The following PALM variants were observed in gnomAD, a reference collection of about 807,000 sequenced individuals.
The protein encoded by PALM is paralemmin.
A neutral mutation model predicts 30.7 loss-of-function variants in PALM; 18 were observed. The ratio of observed to expected loss-of-function variants is 0.59; its 90% CI spans 0.41 to 0.87. The LOEUF (loss-of-function observed/expected upper bound fraction) is 0.87. PALM is among the 40% of genes least tolerant of loss of function. The probability of loss-of-function intolerance (pLI) is 0.00; values close to 1 mark genes in which losing one functional copy is unlikely to be tolerated. For synonymous variants in PALM, 286 were observed against 242.8 expected, an observed-to-expected ratio of 1.18 and a Z score of -1.66; for missense variants, 529 against 555.4, an observed-to-expected ratio of 0.95 and a Z score of 0.48.
chr19:718,394 C>T (rs1294671917), intron 1 of PALM, among the ~76,000 whole-genome samples: 4 of 152,124 alleles, frequency 2.6e-5, no homozygotes, highest in East Asian at 1.9e-4. Flanking sequence ...CTCTGTGGGA[C>T]GTCTCAGGAG....
At chr19:735,012 A>C in intron 6 of PALM, 1 of 953,800 alleles carries the variant, frequency 1.0e-6, no homozygotes. Context: ...AAATCCAGAC[A>C]GGCCTCTCAG....
rs1238716061 is a variant in PALM at position 746,629 on chromosome 19, G to A, written c.979G>A (p.Glu327Lys). Residue 327 changes from glutamate (E) to lysine (K), a missense_variant, in exon 9 of 9, where the codon GAG becomes AAG. Glu to Lys is a moderately conservative substitution (Grantham distance 56). Transcript: ENST00000338448. The surrounding 1 kb of genome is among the most constrained non-coding windows in gnomAD (Gnocchi z 7.1). ...GGGCCTTCAAGATACCATCACGGCGGAGCTGGTGGTCATCGAAGACGCGGC... is the reference window on the plus strand; with the variant it reads ...GGGCCTTCAAGATACCATCACGGCGAAGCTGGTGGTCATCGAAGACGCGGC... ...VLGLQDTITA[E>K]LVVIEDAAEP... 1 of 1,613,090 alleles carries A rather than the reference G, an allele frequency of 6.2e-7. No individual in the cohort carries two copies. Among genetic ancestry groups the A allele is most frequent in the South Asian group, 1.1e-5 (1 of 91,048 alleles).
chr19:727,128 C>A (rs202040022), intron 3 of PALM, 40 bp downstream of exon 3: 1 of 1,367,198 alleles, frequency 7.3e-7, no homozygotes. Context: ...GGAGTGCAGG[C>A]GGCTGTGAGG....
Position 746,319 on chromosome 19 carries a change from G to T in PALM, c.669G>T (p.Gly223=), listed in dbSNP as rs767421858. The T allele has an allele frequency of 1.2e-6, 2 of 1,613,620 alleles. No homozygotes were observed. Among genetic ancestry groups the T allele is most frequent in the African/African-American group, 1.3e-5 (1 of 75,024 alleles). ...CTGTGGACGGCACCGCCGAGAACGG[G>T]ATCCACCCCCTGAGCTCCTCCGAGG... ...VHAVDGTAEN[G]IHPLSSSEVD... Residue 223 remains glycine, a synonymous_variant, in exon 9 of 9, where the codon GGG becomes GGT. Transcript: ENST00000338448. This position sits in a 1 kb window ranked among gnomAD's most constrained non-coding sequence, Gnocchi z 7.1.
intron 5 of PALM, among the ~76,000 whole-genome samples, chr19:731,710 C>T (rs963529368): frequency 6.6e-6 from 1 of 152,052 alleles, no homozygotes; most frequent in Non-Finnish European, 1.5e-5. Context: ...GTTCTGTTGC[C>T]CAGGCTGGAG....
chr19:732,449 C>T (rs1474599867), intron 5 of PALM, among the ~76,000 whole-genome samples: 2 of 152,206 alleles, frequency 1.3e-5, no homozygotes, highest in East Asian at 1.9e-4. Context: ...AATCGCAGCA[C>T]TTTGGGAGGC....
chr19:714,925 G>A (rs2032208928), intron 1 of PALM, among the ~76,000 whole-genome samples: 1 of 152,176 alleles, frequency 6.6e-6, no homozygotes, highest in Non-Finnish European at 1.5e-5. Flanking sequence ...AAAGCGCTGG[G>A]AGTACACACA....
chr19:741,898 G>A (rs1484742060), intron 8 of PALM, among the ~76,000 whole-genome samples: 1 of 152,158 alleles, frequency 6.6e-6, no homozygotes, highest in Non-Finnish European at 1.5e-5. Context: ...CCGGCCCGCA[G>A]TGCAGCGATG....
At chr19:730,991 G>T in intron 4 of PALM, 104 bp from the exon 5 acceptor site, 9 of 733,486 alleles carry the variant, frequency 1.2e-5, no homozygotes, top group South Asian at 2.0e-5. Context: ...ACAAGAGCGA[G>T]AATCTGTCTC....
intron 1 of PALM, among the ~76,000 whole-genome samples, chr19:715,599 G>A (rs1418783107): frequency 6.6e-6 from 1 of 152,214 alleles, no homozygotes; most frequent in Non-Finnish European, 1.5e-5. Flanking sequence ...AGAAGAGAAT[G>A]CTCTTTGGTG....
At chr19:743,140 C>CT in intron 8 of PALM, among the ~76,000 whole-genome samples, 1 of 152,330 alleles carries the variant, frequency 6.6e-6, no homozygotes, top group East Asian at 1.9e-4. Context: ...TCAGAGGCAG[C>CT]TTGGCCTCTG....
chr19:714,012 C>T (rs1339988639), intron 1 of PALM, among the ~76,000 whole-genome samples: 2 of 151,766 alleles, frequency 1.3e-5, no homozygotes, highest in Non-Finnish European at 2.9e-5. Flanking sequence ...TCAAGCCATT[C>T]CCCTGTCTCA....
intron 8 of PALM, 73 bp downstream of exon 8, chr19:740,556 G>C: frequency 7.2e-7 from 1 of 1,395,184 alleles, no homozygotes; most frequent in Non-Finnish European, 9.7e-7. Flanking sequence ...CCAGCGTGTG[G>C]GTCTGGCGTC....
chr19:740,301 G>T, intron 7 of PALM, 51 bp from the exon 8 acceptor site: 12 of 1,505,922 alleles, frequency 8.0e-6, no homozygotes, highest in Non-Finnish European at 1.1e-5. Context: ...GCCCGGCGGG[G>T]GGGTGCGGGG....
chr19:721,194 G>T (rs55810138), intron 1 of PALM, among the ~76,000 whole-genome samples: 32,859 of 152,134 alleles, frequency 0.22, 3,902 homozygotes, highest in Non-Finnish European at 0.27. Context: ...CGACCTGAGG[G>T]TTCCTCTAAG....
At chr19:719,942 A>G (rs2032403139) in intron 1 of PALM, among the ~76,000 whole-genome samples, 1 of 151,508 alleles carries the variant, frequency 6.6e-6, no homozygotes, top group Non-Finnish European at 1.5e-5. Flanking sequence ...TAATTTTTCC[A>G]ATCTGTGACG....
At chr19:741,831 CTCTT>C (rs1199923834) in intron 8 of PALM, among the ~76,000 whole-genome samples, 3 of 152,070 alleles carry the variant, frequency 2.0e-5, no homozygotes, top group Non-Finnish European at 2.9e-5. Flanking sequence ...CCCACTCTCT[CTCTT>C]TCTTTTTCTT....
At chr19:713,308 G>A (rs1429127871) in intron 1 of PALM, among the ~76,000 whole-genome samples, 1 of 152,104 alleles carries the variant, frequency 6.6e-6, no homozygotes, top group African/African-American at 2.4e-5. Context: ...GCCCATCCAC[G>A]CCGTTCTGTG....
At chr19:723,652 G>A (rs531594284) in intron 1 of PALM, among the ~76,000 whole-genome samples, 8 of 149,506 alleles carry the variant, frequency 5.4e-5, no homozygotes, top group Admixed American at 6.7e-5. Flanking sequence ...AGTGCAGCGC[G>A]TGATCTCTGC....
Sources: allele counts gnomAD v4.1 joint callset (sites outside exome capture counted in the v4.1 genomes callset), GRCh38; gene constraint gnomAD v4.1.1; non-coding constraint Gnocchi (gnomAD v3.1); transcripts MANE v1.5; gene names NCBI Gene and HGNC (gene_info 2026-07-23, HGNC 2026-07-21).